Variants in UBXN4 observed in about 807,000 individuals in gnomAD.
UBXN4 encodes UBX domain protein 4.
UBXN4 carries 35 observed loss-of-function variants against 66.2 expected under a neutral mutation model. That is an observed-to-expected ratio of 0.53 (90% CI 0.40 to 0.70). UBXN4 has a LOEUF of 0.70. Among genes scored for constraint, UBXN4 ranks in the 30% least tolerant of loss-of-function variants. The probability of loss-of-function intolerance (pLI) is 0.00; values close to 1 mark genes in which losing one functional copy is unlikely to be tolerated. For synonymous variants in UBXN4, 203 were observed against 204.5 expected (o/e 0.99, Z 0.06); for missense variants, 533 against 599.8 (o/e 0.89, Z 1.16).
intron 11 of UBXN4, 103 bp from the exon 12 acceptor site, chr2:135,780,080 T>C: frequency 9.2e-7 from 1 of 1,083,610 alleles, no homozygotes; most frequent in Non-Finnish European, 1.3e-6. Flanking sequence ...TAAACTAAAA[T>C]TGGTAGGACC....
In UBXN4 at chr2:135,748,249, T is replaced by A. The variant is rs374661393; in HGVS notation, c.83-18T>A. ...GCAGATCCCAGCCTGGTATAAGAAT[T>A]TTTGAAATGTTTTACAGGTGATGAT... On this transcript the variant is annotated intron_variant, in intron 1 of 12. Coordinates refer to ENST00000272638, the MANE Select transcript of UBXN4 (RefSeq NM_014607.4). The A allele has an allele frequency of 9.8e-6, 15 of 1,533,118 alleles. No homozygotes were observed. In the African/African-American group the frequency reaches 1.3e-4, roughly 13 times the overall value. 95.0% of individuals were successfully genotyped at this position (1,533,118 alleles called of 1,614,324 possible).
At chr2:135,744,790 G>C (rs748927134) in intron 1 of UBXN4, among the ~76,000 whole-genome samples, 1 of 152,156 alleles carries the variant, frequency 6.6e-6, no homozygotes, top group Non-Finnish European at 1.5e-5. Context: ...TTGATAATTT[G>C]ATTAAAAATA....
intron 6 of UBXN4, among the ~76,000 whole-genome samples, chr2:135,765,921 G>T (rs1029567790): frequency 6.6e-5 from 10 of 152,034 alleles, no homozygotes; most frequent in African/African-American, 1.7e-4. Flanking sequence ...GGGAGGCCGA[G>T]GTAGGTGGAT....
In UBXN4 at chr2:135,782,816, A is replaced by G; in HGVS notation, c.1456A>G (p.Arg486Gly). ...CTTTAAAAAGGAGGGGAAAATTTAT[A>G]GATTAAGGACTCAAGATGATGGTGA... ...DDFKKEGKIY[R>G]LRTQDDGEDE... Residue 486 changes from arginine to glycine, a missense_variant, in exon 13 of 13, where the codon AGA becomes GGA. Physicochemically the swap from Arg to Gly is moderately radical, Grantham distance 125. Coordinates refer to ENST00000272638, the MANE Select transcript of UBXN4 (RefSeq NM_014607.4). 6.2e-7 allele frequency: 1 copy of G among 1,614,026 alleles called. No individual in the cohort carries two copies. Among genetic ancestry groups the G allele is most frequent in the Non-Finnish European group, 8.5e-7 (1 of 1,179,916 alleles).
At chr2:135,761,564 T>C (rs2077316507) in intron 5 of UBXN4, among the ~76,000 whole-genome samples, 1 of 152,246 alleles carries the variant, frequency 6.6e-6, no homozygotes. Flanking sequence ...CAGATTGTTA[T>C]TCATGTTTTA....
intron 2 of UBXN4, among the ~76,000 whole-genome samples, chr2:135,749,402 C>T (rs1005168499): frequency 6.6e-6 from 1 of 152,160 alleles, no homozygotes; most frequent in Non-Finnish European, 1.5e-5. Flanking sequence ...CGTTCCTCCT[C>T]CCCATCTTTT....
At chr2:135,779,983 ATATT>A (rs1362757688) in intron 11 of UBXN4, among the ~76,000 whole-genome samples, 196 bp from the exon 12 acceptor site, 4 of 150,400 alleles carry the variant, frequency 2.7e-5, no homozygotes, top group African/African-American at 9.7e-5. Context: ...ATAATATTGT[ATATT>A]TATCTTTAAA....
chr2:135,770,647 A>T lies in UBXN4; in HGVS notation c.734A>T (p.Glu245Val). Residue 245 changes from glutamate (E) to valine (V), a missense_variant, in exon 8 of 13, where the codon GAA becomes GTA. This residue lies in a region of UBXN4 where 529 missense variants were observed against 580.1 expected (regional missense o/e 0.91). Coordinates refer to ENST00000272638, the MANE Select transcript of UBXN4 (RefSeq NM_014607.4). Reference protein sequence around the residue: ...MLDYKRKQEEELTKRMLEERN... With the variant: ...MLDYKRKQEEVLTKRMLEERN... ...GATTATAAAAGAAAACAAGAAGAAGAATTAACAAAAAGAATGCTGGAGGAA... is the reference window on the plus strand; with the variant it reads ...GATTATAAAAGAAAACAAGAAGAAGTATTAACAAAAAGAATGCTGGAGGAA... 1 of 1,577,016 alleles carries T rather than the reference A, an allele frequency of 6.3e-7. No individual in the cohort carries two copies. Among genetic ancestry groups the T allele is most frequent in the Non-Finnish European group, 8.6e-7 (1 of 1,167,456 alleles).
rs1318098119 is a variant in UBXN4, at chr2:135,783,754, A to G, written c.*867A>G. The G allele has an allele frequency of 6.6e-6, 1 of 152,196 alleles. No homozygotes were observed. The highest frequency in any genetic ancestry group is 2.1e-4 in the South Asian group (1 of 4,828). The allele number at this position is 152,196 out of a possible 1,614,324, so 9.4% of individuals were successfully genotyped here. On this transcript the variant is annotated 3_prime_UTR_variant, in exon 13 of 13. Transcript: ENST00000272638. ...GACGTTTTGTCCTCAATAATTACACAAGGACCTAGAGTACCTATAGGACAA... is the reference window on the plus strand; with the variant it reads ...GACGTTTTGTCCTCAATAATTACACGAGGACCTAGAGTACCTATAGGACAA...
At chr2:135,764,767 A>T (rs776210330) in intron 6 of UBXN4, among the ~76,000 whole-genome samples, 21 of 152,080 alleles carry the variant, frequency 1.4e-4, no homozygotes, top group Non-Finnish European at 2.6e-4. Context: ...TGGCCTCCCA[A>T]AGTGCTGGGA....
At chr2:135,767,928 C>G (rs2077357862) in intron 6 of UBXN4, among the ~76,000 whole-genome samples, 1 of 151,988 alleles carries the variant, frequency 6.6e-6, no homozygotes, top group Non-Finnish European at 1.5e-5. Context: ...CTTTTTGGTG[C>G]ACAAATTGCC....
intron 5 of UBXN4, among the ~76,000 whole-genome samples, chr2:135,760,839 T>C (rs1338858902): frequency 6.6e-6 from 1 of 152,216 alleles, no homozygotes. Flanking sequence ...TTTGCTAATT[T>C]CCCAGGTGTA....
intron 8 of UBXN4, 134 bp downstream of exon 8, chr2:135,770,869 G>A: frequency 1.1e-6 from 1 of 883,540 alleles, no homozygotes; most frequent in Non-Finnish European, 1.5e-6. Flanking sequence ...CCTTTTATTA[G>A]AAATTGTAAA....
chr2:135,747,669 G>C (rs2077217294), intron 1 of UBXN4: 1 of 456,338 alleles, frequency 2.2e-6, no homozygotes, highest in South Asian at 1.5e-5. Flanking sequence ...CGGTCTCACT[G>C]TGTCACCCAG....
rs2077457905 is a variant in UBXN4, at chr2:135,782,782, T to A, written c.1422T>A (p.Arg474=). ...TGAGAAAAAGAGTGCTGGAAAAACG[T>A]GGAGACGACTTTAAAAAGGAGGGGA... ...EPVRKRVLEK[R]GDDFKKEGKI... The change falls in exon 13 of 13, where the codon CGT becomes CGA. Residue 474 remains arginine, a synonymous_variant. Coordinates refer to ENST00000272638, the MANE Select transcript of UBXN4 (RefSeq NM_014607.4). 1 of 1,613,952 alleles carries A rather than the reference T, an allele frequency of 6.2e-7. No individual in the cohort carries two copies. Among genetic ancestry groups the A allele is most frequent in the Non-Finnish European group, 8.5e-7 (1 of 1,179,940 alleles).
In UBXN4 at chr2:135,769,578, G is replaced by C. The variant is rs372132567; in HGVS notation, c.603-191G>C. On this transcript the variant is annotated intron_variant, in intron 6 of 12. Transcript: ENST00000272638. The stretch of plus-strand genomic sequence containing the variant: ...AGTGAGGCATTTAGAATGAAGCTAG[G>C]CTTCTGATGGGCTCTCGTTGACTCC... 4.6e-5 allele frequency among the ~76,000 whole-genome samples: 7 copies of C among 152,098 alleles called. No homozygotes were observed. In the East Asian group the frequency reaches 9.6e-4, roughly 21 times the overall value.
At chr2:135,748,202 AG>A in intron 1 of UBXN4, 64 bp from the exon 2 acceptor site, 3 of 1,263,786 alleles carry the variant, frequency 2.4e-6, no homozygotes, top group South Asian at 3.3e-5. Context: ...TCCGTTTTCC[AG>A]GGGAAAAGAG....
chr2:135,756,965 C>T (rs1437909035), intron 5 of UBXN4, among the ~76,000 whole-genome samples: 1 of 152,202 alleles, frequency 6.6e-6, no homozygotes, highest in Non-Finnish European at 1.5e-5. Context: ...TTGCTTTTCT[C>T]TGGCTGCTTT....
intron 1 of UBXN4, among the ~76,000 whole-genome samples, chr2:135,747,455 T>C (rs1330289662): frequency 3.3e-5 from 5 of 151,890 alleles, no homozygotes; most frequent in Non-Finnish European, 5.9e-5. Flanking sequence ...TCACCATAGA[T>C]TAGTTATAGG....
Sources: gnomAD v4.1 joint callset for allele counts (sites outside exome capture counted in the v4.1 genomes callset) on GRCh38, gnomAD v4.1.1 for gene constraint, gnomAD v4.1.1 regional missense constraint, MANE v1.5 for transcripts, NCBI Gene and HGNC (gene_info 2026-07-23, HGNC 2026-07-21) for gene names.